ROBO2: variants seen among roughly 807,000 people sequenced by gnomAD.
The protein encoded by ROBO2 is roundabout homolog 2.
In ROBO2, 53 loss-of-function variants were observed where a neutral mutation model predicts 160.8. The observed-to-expected ratio is 0.33, with a 90% confidence interval of 0.26 to 0.41. The LOEUF (loss-of-function observed/expected upper bound fraction) is 0.41. Among genes scored for constraint, ROBO2 ranks in the 10% least tolerant of loss-of-function variants. The pLI is 1.00. For missense variants in ROBO2, 1,577 were observed against 1,722.4 expected, an observed-to-expected ratio of 0.92 and a Z score of 1.49; for synonymous variants, 664 against 611.7, an observed-to-expected ratio of 1.09 and a Z score of -1.26.
intron 2 of ROBO2, among the ~76,000 whole-genome samples, chr3:77,272,967 G>A (rs2153357249): frequency 6.6e-6 from 1 of 152,218 alleles, no homozygotes; most frequent in East Asian, 1.9e-4. Flanking sequence ...GATAATCTCA[G>A]TTTTTATTTT....
At chr3:76,114,640 A>C (rs1455435128) in intron 2 of ROBO2, among the ~76,000 whole-genome samples, 6 of 152,122 alleles carry the variant, frequency 3.9e-5, no homozygotes, top group Admixed American at 3.9e-4. Flanking sequence ...CCCACCTAGT[A>C]AGAGATCAAG....
intron 2 of ROBO2, among the ~76,000 whole-genome samples, chr3:76,136,544 A>G (rs1336541376): frequency 6.6e-6 from 1 of 152,090 alleles, no homozygotes; most frequent in Non-Finnish European, 1.5e-5. Flanking sequence ...TGTTGCCAAC[A>G]GAGTGGGGTA....
At chr3:76,856,171 G>C (rs1251135202) in intron 2 of ROBO2, among the ~76,000 whole-genome samples, 1 of 152,152 alleles carries the variant, frequency 6.6e-6, no homozygotes, top group Non-Finnish European at 1.5e-5. Context: ...GTCGATACAG[G>C]CTTAGTACAA....
intron 2 of ROBO2, among the ~76,000 whole-genome samples, chr3:76,983,656 G>T (rs1272986006): frequency 1.3e-5 from 2 of 152,080 alleles, no homozygotes; most frequent in East Asian, 3.9e-4. Flanking sequence ...CTTATTTCAA[G>T]ATTGAAAAAA....
chr3:77,010,342 C>T (rs1198286746), intron 2 of ROBO2, among the ~76,000 whole-genome samples: 2 of 152,162 alleles, frequency 1.3e-5, no homozygotes, highest in Admixed American at 1.3e-4. Context: ...CTGCTTTCTG[C>T]TTCTCCTCCT....
chr3:76,994,939 G>C (rs768699989), intron 2 of ROBO2, among the ~76,000 whole-genome samples: 3 of 151,848 alleles, frequency 2.0e-5, no homozygotes, highest in Non-Finnish European at 4.4e-5. Flanking sequence ...TTTGAGCATA[G>C]ATTTACTTTT....
intron 2 of ROBO2, among the ~76,000 whole-genome samples, chr3:77,139,856 T>G (rs896439524): frequency 3.9e-5 from 6 of 152,154 alleles, no homozygotes; most frequent in African/African-American, 1.4e-4. Flanking sequence ...GTCAATCATT[T>G]TCCCATCAAG....
chr3:76,863,920 T>C (rs1041933890), intron 2 of ROBO2, among the ~76,000 whole-genome samples: 2 of 152,112 alleles, frequency 1.3e-5, no homozygotes, highest in African/African-American at 4.8e-5. Context: ...ATTTTTGTTC[T>C]TTAAATAAAA....
At chr3:76,929,120 C>T (rs1156377183) in intron 2 of ROBO2, among the ~76,000 whole-genome samples, 2 of 152,024 alleles carry the variant, frequency 1.3e-5, no homozygotes, top group African/African-American at 2.4e-5. Flanking sequence ...ATTAGCCAGG[C>T]GTGATGGCGT....
intron 2 of ROBO2, among the ~76,000 whole-genome samples, chr3:76,010,262 A>G (rs781382019): frequency 1.3e-5 from 2 of 152,244 alleles, no homozygotes; most frequent in Admixed American, 6.5e-5. Flanking sequence ...AGTTTAAGAA[A>G]GACAATGACG....
intron 2 of ROBO2, among the ~76,000 whole-genome samples, chr3:76,498,976 T>C (rs574419484): frequency 5.3e-5 from 8 of 152,120 alleles, no homozygotes; most frequent in Admixed American, 5.2e-4. Context: ...CCTGAGCCAC[T>C]GCGCCCAGCA....
At chr3:76,423,834 A>C (rs554003510) in intron 2 of ROBO2, among the ~76,000 whole-genome samples, 9 of 152,256 alleles carry the variant, frequency 5.9e-5, no homozygotes, top group Non-Finnish European at 1.2e-4. Context: ...TGAGATAAAA[A>C]CGATCATTGT....
At chr3:77,473,183 TGAA>T (rs902228784) in intron 2 of ROBO2, among the ~76,000 whole-genome samples, 1 of 151,960 alleles carries the variant, frequency 6.6e-6, no homozygotes, top group African/African-American at 2.4e-5. Context: ...ACACAGAGCG[TGAA>T]GAAGTTGGCC....
intron 2 of ROBO2, among the ~76,000 whole-genome samples, chr3:76,571,038 C>T (rs916514420): frequency 2.6e-5 from 4 of 152,064 alleles, no homozygotes; most frequent in East Asian, 3.9e-4. Flanking sequence ...TTCATAACTC[C>T]GGAAGATGAG....
chr3:76,839,603 C>T (rs542390263), intron 2 of ROBO2, among the ~76,000 whole-genome samples: 7 of 152,258 alleles, frequency 4.6e-5, no homozygotes, highest in African/African-American at 1.4e-4. Flanking sequence ...AAATGCTTAT[C>T]AGAGATATTG....
At chr3:76,173,272 A>G (rs1473476367) in intron 2 of ROBO2, among the ~76,000 whole-genome samples, 3 of 151,610 alleles carry the variant, frequency 2.0e-5, no homozygotes, top group Non-Finnish European at 4.4e-5. Flanking sequence ...GTATACATAC[A>G]TACATACTTA....
intron 2 of ROBO2, among the ~76,000 whole-genome samples, chr3:76,446,941 G>C (rs2077213352): frequency 6.6e-6 from 1 of 152,134 alleles, no homozygotes; most frequent in Admixed American, 6.6e-5. Flanking sequence ...AAAAACCCTA[G>C]AAGAAAACCT....
At chr3:76,383,657 T>C (rs569882341) in intron 2 of ROBO2, among the ~76,000 whole-genome samples, 1 of 152,088 alleles carries the variant, frequency 6.6e-6, no homozygotes, top group Non-Finnish European at 1.5e-5. Flanking sequence ...ATCTGGCATA[T>C]CTGATGTGCC....
At chr3:76,551,438 G>A (rs554053621) in intron 2 of ROBO2, among the ~76,000 whole-genome samples, 12 of 152,056 alleles carry the variant, frequency 7.9e-5, no homozygotes, top group Admixed American at 7.2e-4. Flanking sequence ...AGTTGTCCAC[G>A]TACCTCATTC....
Sources: allele counts gnomAD v4.1 joint callset (sites outside exome capture counted in the v4.1 genomes callset), GRCh38; gene constraint gnomAD v4.1.1; transcripts MANE v1.5; gene names NCBI Gene and HGNC (gene_info 2026-07-23, HGNC 2026-07-21).